DSTYK: variants seen among roughly 807,000 people sequenced by gnomAD.
The protein encoded by DSTYK is RIP-homologous kinase.
A neutral mutation model predicts 98.7 loss-of-function variants in DSTYK; 34 were observed. That is an observed-to-expected ratio of 0.34 (90% CI 0.26 to 0.46). The LOEUF (loss-of-function observed/expected upper bound fraction) is 0.46. DSTYK is among the 20% of genes least tolerant of loss of function. The pLI, the probability that DSTYK is intolerant of heterozygous loss-of-function variation, is 1.00. For synonymous variants in DSTYK, 462 were observed against 457.3 expected (o/e 1.01, Z -0.13); for missense variants, 962 against 1,181.7 (o/e 0.81, Z 2.73).
intron 2 of DSTYK, among the ~76,000 whole-genome samples, chr1:205,179,789 A>G (rs1401988632): frequency 6.6e-6 from 1 of 152,132 alleles, no homozygotes; most frequent in Non-Finnish European, 1.5e-5. Flanking sequence ...TCAAAAAGAA[A>G]ATATTGTTAA....
chr1:205,211,358 T>G lies in DSTYK; in HGVS notation c.178A>C (p.Asn60His), dbSNP rs1659373072. ...KFFRDIKCSHNHTCLSSLTGG... is the reference protein window; with the variant it reads ...KFFRDIKCSHHHTCLSSLTGG... ...GTGAGGGAGGAGAGACAAGTGTGGT[T>G]GTGGGAGCACTTGATGTCGCGGAAG... The change falls in exon 1 of 13, where the codon AAC (asparagine) becomes CAC (histidine). Residue 60 changes from asparagine to histidine, a missense_variant. Around this residue, in one of 4 missense-constraint regions of DSTYK, gnomAD observed 168 missense variants for 120.0 expected, o/e 1.40. Transcript: ENST00000367162. 1 of 1,612,600 alleles carries G rather than the reference T, an allele frequency of 6.2e-7. No homozygotes were observed. Among genetic ancestry groups the G allele is most frequent in the African/African-American group, 1.3e-5 (1 of 74,924 alleles).
At chr1:205,204,831 A>G (rs1027430662) in intron 1 of DSTYK, among the ~76,000 whole-genome samples, 2 of 152,226 alleles carry the variant, frequency 1.3e-5, no homozygotes, top group South Asian at 2.1e-4. Context: ...TGGATATTTC[A>G]TATCAATGGA....
intron 1 of DSTYK, among the ~76,000 whole-genome samples, chr1:205,189,706 T>A (rs954588811): frequency 6.6e-6 from 1 of 152,174 alleles, no homozygotes; most frequent in African/African-American, 2.4e-5. Flanking sequence ...GAGGTCTGTG[T>A]TCACGCAGAT....
chr1:205,192,760 G>A (rs1658748868), intron 1 of DSTYK, among the ~76,000 whole-genome samples: 1 of 152,160 alleles, frequency 6.6e-6, no homozygotes, highest in South Asian at 2.1e-4. Context: ...TATTCGGGAG[G>A]CTGAGGCAGG....
At chr1:205,162,648 T>C (rs2102402463) in intron 5 of DSTYK, among the ~76,000 whole-genome samples, 1 of 152,298 alleles carries the variant, frequency 6.6e-6, no homozygotes, top group South Asian at 2.1e-4. Flanking sequence ...CTCCATGAAA[T>C]ATCATTTATC....
intron 1 of DSTYK, among the ~76,000 whole-genome samples, chr1:205,204,633 A>T (rs1659148439): frequency 6.6e-6 from 1 of 152,182 alleles, no homozygotes; most frequent in African/African-American, 2.4e-5. Flanking sequence ...TAAGTGTACA[A>T]TTCAGTGGCT....
At chr1:205,178,259 T>C (rs1463391975) in intron 2 of DSTYK, among the ~76,000 whole-genome samples, 1 of 151,888 alleles carries the variant, frequency 6.6e-6, no homozygotes, top group African/African-American at 2.4e-5. Flanking sequence ...TTTAAGGATC[T>C]CAACTCTCTT....
At chr1:205,185,955 G>A (rs1335179571) in intron 2 of DSTYK, among the ~76,000 whole-genome samples, 7 of 152,104 alleles carry the variant, frequency 4.6e-5, no homozygotes, top group African/African-American at 1.7e-4. Context: ...CCCAGGAAGC[G>A]GAGATTGCAG....
rs117250922 is a variant in DSTYK at position 205,173,496 on chromosome 1, T to C, written c.655-3664A>G. 7.9e-5 allele frequency: 12 copies of C among 152,086 alleles called. No individual in the cohort carries two copies. The East Asian group carries it at 2.1e-3, about 27-fold the overall frequency. The allele number at this position is 152,086 out of a possible 1,614,324, so 9.4% of individuals were successfully genotyped here. A position where few individuals can be genotyped will look rare whatever the true frequency, so the allele number is the denominator to read the frequency against. ...ATTACAAAGCTGCCCTAAAGACATATTTTTTAAAAGATATAAATCAACCAA... is the reference window on the plus strand; with the variant it reads ...ATTACAAAGCTGCCCTAAAGACATACTTTTTAAAAGATATAAATCAACCAA... On this transcript the variant is annotated intron_variant, in intron 2 of 12. Transcript: ENST00000367162.
chr1:205,178,277 T>C (rs538614716), intron 2 of DSTYK, among the ~76,000 whole-genome samples: 138 of 152,116 alleles, frequency 9.1e-4, no homozygotes, highest in African/African-American at 3.1e-3. Context: ...CTTCTCTCTA[T>C]CTCGAATGAC....
intron 1 of DSTYK, 31 bp from the exon 2 acceptor site, chr1:205,187,837 G>C (rs770677415): frequency 6.4e-7 from 1 of 1,561,190 alleles, no homozygotes; most frequent in East Asian, 2.3e-5. Context: ...TGGAGGAAGA[G>C]AAAGGAGTAG....
intron 1 of DSTYK, among the ~76,000 whole-genome samples, chr1:205,206,324 G>A (rs866894901): frequency 1.3e-5 from 2 of 151,074 alleles, no homozygotes; most frequent in Non-Finnish European, 1.5e-5. Context: ...CTGTCGCCCA[G>A]GCTAGAGTGC....
At position 205,145,172 on chromosome 1, in the gene DSTYK, T is replaced by A. The variant is rs1402400533; in HGVS notation, c.*2386A>T. On this transcript the variant is annotated 3_prime_UTR_variant, in exon 13 of 13. Coordinates refer to ENST00000367162, the MANE Select transcript of DSTYK (RefSeq NM_015375.3). ...CAGTAAGTTAGTGCAGAGAATAGAG[T>A]ACTTGAAGTATAGCTAAATAGGTGG... 6.6e-6 allele frequency: 1 copy of A among 152,108 alleles called. No homozygotes were observed. Among genetic ancestry groups the A allele is most frequent in the African/African-American group, 2.4e-5 (1 of 41,410 alleles). The allele number at this position is 152,108 out of a possible 1,614,324, so 9.4% of individuals were successfully genotyped here. A position where few individuals can be genotyped will look rare whatever the true frequency, so the allele number is the denominator to read the frequency against.
intron 2 of DSTYK, among the ~76,000 whole-genome samples, chr1:205,186,554 C>G (rs966008665): frequency 3.3e-5 from 5 of 152,204 alleles, no homozygotes; most frequent in Admixed American, 3.3e-4. Context: ...TCCTGCCAAA[C>G]TAGCCCATCC....
At chr1:205,174,494 C>G (rs1658166235) in intron 2 of DSTYK, among the ~76,000 whole-genome samples, 1 of 134,312 alleles carries the variant, frequency 7.4e-6, no homozygotes, top group Non-Finnish European at 1.5e-5. Context: ...GAATGGGTGA[C>G]AGAGTGAGAC....
chr1:205,169,349 T>A lies in DSTYK; in HGVS notation c.1138A>T (p.Met380Leu). The A allele has an allele frequency of 6.2e-7, 1 of 1,614,196 alleles. No individual in the cohort carries two copies. The highest frequency in any genetic ancestry group is 8.5e-7 in the Non-Finnish European group (1 of 1,180,038). ...GGAGTGATCTGCAGGTCCCGCTGCA[T>A]GTCAAATGCCTGGTTAATAAAGATG... ...LDIFINQAFD[M>L]QRDLQITPKR... The change falls in exon 3 of 13, where the codon ATG becomes TTG. Residue 380 changes from methionine (M) to leucine (L), a missense_variant. Met to Leu is a conservative substitution (Grantham distance 15). This residue lies in a region of DSTYK where 660 missense variants were observed against 855.0 expected (regional missense o/e 0.77). Coordinates refer to ENST00000367162, the MANE Select transcript of DSTYK (RefSeq NM_015375.3). This position sits in a 1 kb window ranked among gnomAD's most constrained non-coding sequence, Gnocchi z 4.0.
At chr1:205,201,461 G>A (rs1312379081) in intron 1 of DSTYK, among the ~76,000 whole-genome samples, 1 of 144,660 alleles carries the variant, frequency 6.9e-6, no homozygotes, top group Non-Finnish European at 1.5e-5. Context: ...CCTATGAAAT[G>A]CATATCATTG....
In DSTYK at chr1:205,143,909, A is replaced by G. The variant is rs917521663; in HGVS notation, c.*3649T>C. 6.6e-6 allele frequency: 1 copy of G among 152,650 alleles called. No individual in the cohort carries two copies. Among genetic ancestry groups the G allele is most frequent in the African/African-American group, 2.4e-5 (1 of 41,452 alleles). 9.5% of individuals were successfully genotyped at this position (152,650 alleles called of 1,614,324 possible). ...TAAAAATTAGGAGAATCTGCTGCCT[A>G]GGCTCTGTCCCCTTGAAGTTGATGG... is the stretch of plus-strand genomic sequence containing the variant. On this transcript the variant is annotated 3_prime_UTR_variant, in exon 13 of 13. Transcript: ENST00000367162.
rs1657107876 is a variant in DSTYK, at chr1:205,142,705, A to G, written c.*4853T>C. ...TATGGAAAGAGCCAGGTAGCACAAG[A>G]AAGGAGAGAGGATAAAGACTGAAGT... is the stretch of plus-strand genomic sequence containing the variant. On this transcript the variant is annotated 3_prime_UTR_variant, in exon 13 of 13. Coordinates refer to ENST00000367162, the MANE Select transcript of DSTYK (RefSeq NM_015375.3). 2 of 152,276 alleles carry G rather than the reference A, an allele frequency of 1.3e-5. No homozygotes were observed. The highest frequency in any genetic ancestry group is 1.3e-4 in the Admixed American group (2 of 15,282). 9.4% of individuals were successfully genotyped at this position (152,276 alleles called of 1,614,324 possible).
Sources: allele counts gnomAD v4.1 joint callset (sites outside exome capture counted in the v4.1 genomes callset), GRCh38; gene constraint gnomAD v4.1.1; regional missense constraint gnomAD v4.1.1; non-coding constraint Gnocchi (gnomAD v3.1); transcripts MANE v1.5; gene names NCBI Gene and HGNC (gene_info 2026-07-23, HGNC 2026-07-21).